Variants in RERE observed in about 807,000 individuals in gnomAD.
RERE encodes arginine-glutamic acid dipeptide repeats.
Under a neutral mutation model 146.1 loss-of-function variants are expected in RERE, and 40 were observed. That is an observed-to-expected ratio of 0.27 (90% CI 0.21 to 0.36). The LOEUF (loss-of-function observed/expected upper bound fraction) is 0.36, where lower values mean the gene tolerates loss of function less well. Among genes scored for constraint, RERE ranks in the 10% least tolerant of loss-of-function variants. The pLI, the probability that RERE is intolerant of heterozygous loss-of-function variation, is 1.00. For synonymous variants in RERE, 1,003 were observed against 866.0 expected (o/e 1.16, Z -2.78); for missense variants, 1,933 against 2,138.7 (o/e 0.90, Z 1.90).
At chr1:8,368,436 T>C (rs931329482) in intron 12 of RERE, among the ~76,000 whole-genome samples, 1 of 146,252 alleles carries the variant, frequency 6.8e-6, no homozygotes, top group Non-Finnish European at 1.5e-5. Flanking sequence ...ATCGTGCCAC[T>C]GCACTCCAGC....
chr1:8,401,152 G>A (rs1293645826), intron 12 of RERE, among the ~76,000 whole-genome samples: 1 of 145,574 alleles, frequency 6.9e-6, no homozygotes, highest in Non-Finnish European at 1.5e-5. Context: ...ATAAGTCATC[G>A]TTACAAAGAA....
At chr1:8,628,374 C>T (rs1482134386) in intron 2 of RERE, among the ~76,000 whole-genome samples, 1 of 152,008 alleles carries the variant, frequency 6.6e-6, no homozygotes, top group Non-Finnish European at 1.5e-5. Context: ...ATGTTTCACA[C>T]TATGTAAAAC....
intron 3 of RERE, among the ~76,000 whole-genome samples, chr1:8,621,426 C>T (rs1464686063): frequency 6.6e-6 from 1 of 152,148 alleles, no homozygotes; most frequent in African/African-American, 2.4e-5. Context: ...CTCCTCCCCA[C>T]GCCTCACCTC....
intron 12 of RERE, among the ~76,000 whole-genome samples, chr1:8,407,474 T>C (rs301793): frequency 0.79 from 119,999 of 152,232 alleles, 47,699 homozygotes; most frequent in East Asian, 0.95. Context: ...ATAATAAAAT[T>C]CCACTTTTTT....
Position 8,747,166 on chromosome 1 carries a change from T to G in RERE, c.-145+69994A>C, listed in dbSNP as rs1035984708. ...ACAGGGGCCCACCACCACACCCAGC[T>G]AATTTTTTGTATTTTTAGTAGAGAC... On this transcript the variant is annotated intron_variant, in intron 1 of 22. Coordinates refer to ENST00000400908, the MANE Select transcript of RERE (RefSeq NM_001042681.2). Among the ~76,000 whole-genome samples, 21 of 152,020 alleles carry G rather than the reference T, an allele frequency of 1.4e-4. 1 individual carries two copies. Among genetic ancestry groups the G allele is most frequent in the Non-Finnish European group, 2.9e-5 (2 of 68,012 alleles).
chr1:8,575,534 A>AATATATATATATATATATATAT (rs67724601), intron 4 of RERE, among the ~76,000 whole-genome samples: 2 of 114,072 alleles, frequency 1.8e-5, no homozygotes, highest in African/African-American at 6.9e-5. Context: ...TGGCTAATTT[A>AATATATATATATATATATATAT]ATATATATAT....
intron 10 of RERE, among the ~76,000 whole-genome samples, chr1:8,489,227 G>A (rs948043421): frequency 5.9e-5 from 9 of 151,960 alleles, no homozygotes; most frequent in Non-Finnish European, 1.0e-4. Flanking sequence ...TTAGACAGGT[G>A]TAGTAGCCTG....
chr1:8,799,377 C>A, intron 1 of RERE: 1 of 157,958 alleles, frequency 6.3e-6, no homozygotes, highest in Admixed American at 6.4e-5. Context: ...TTGGAGAAAA[C>A]TCTCATCAAC....
At chr1:8,766,173 C>T (rs1425232794) in intron 1 of RERE, among the ~76,000 whole-genome samples, 1 of 152,036 alleles carries the variant, frequency 6.6e-6, no homozygotes. Context: ...CAGTGAAGAA[C>T]AAAATTTCTA....
intron 7 of RERE, chr1:8,526,027 G>C (rs756367126): frequency 4.8e-6 from 6 of 1,259,152 alleles, no homozygotes; most frequent in South Asian, 5.4e-5. Flanking sequence ...GTCTCTCCAC[G>C]ACGCAATCAA....
chr1:8,703,472 G>A (rs914094086), intron 1 of RERE, among the ~76,000 whole-genome samples: 2 of 151,798 alleles, frequency 1.3e-5, no homozygotes, highest in Admixed American at 6.5e-5. Context: ...CCGGGCTGGA[G>A]CCCAGCCCGC....
At chr1:8,676,500 TGA>T (rs1479517166) in intron 1 of RERE, among the ~76,000 whole-genome samples, 2 of 151,106 alleles carry the variant, frequency 1.3e-5, no homozygotes, top group African/African-American at 2.4e-5. Context: ...CTGACAGCAA[TGA>T]GAGAGGTGTC....
intron 1 of RERE, among the ~76,000 whole-genome samples, chr1:8,804,636 G>A (rs1641649215): frequency 1.3e-5 from 2 of 152,182 alleles, no homozygotes; most frequent in Admixed American, 1.3e-4. Context: ...GAAGCGATAT[G>A]TACAATTTCT....
At chr1:8,615,555 T>G (rs1646843464) in intron 3 of RERE, among the ~76,000 whole-genome samples, 1 of 152,184 alleles carries the variant, frequency 6.6e-6, no homozygotes, top group African/African-American at 2.4e-5. Context: ...CATGTGGTTT[T>G]GAATGAACTA....
At chr1:8,427,562 A>T (rs1644031792) in intron 11 of RERE, among the ~76,000 whole-genome samples, 1 of 151,834 alleles carries the variant, frequency 6.6e-6, no homozygotes, top group African/African-American at 2.4e-5. Context: ...TCTGGTGGTG[A>T]ACACAGACCT....
intron 10 of RERE, among the ~76,000 whole-genome samples, chr1:8,481,707 A>G (rs1441062966): frequency 6.6e-6 from 1 of 152,214 alleles, no homozygotes; most frequent in Non-Finnish European, 1.5e-5. Flanking sequence ...ATAGTGATGA[A>G]CTTAAGGTCC....
At chr1:8,368,483 GAAAAA>G (rs70990563) in intron 12 of RERE, among the ~76,000 whole-genome samples, 4 of 76,342 alleles carry the variant, frequency 5.2e-5, no homozygotes, top group African/African-American at 2.7e-4. Context: ...CAAAGAAAAA[GAAAAA>G]AAAAAAAAAA....
chr1:8,693,927 T>G (rs1429068442), intron 1 of RERE, among the ~76,000 whole-genome samples: 1 of 151,988 alleles, frequency 6.6e-6, no homozygotes, highest in African/African-American at 2.4e-5. Flanking sequence ...TGTTTTAAAA[T>G]TTTTTAATGT....
chr1:8,604,113 C>T (rs1216722966), intron 4 of RERE, among the ~76,000 whole-genome samples: 1 of 152,060 alleles, frequency 6.6e-6, no homozygotes, highest in Non-Finnish European at 1.5e-5. Context: ...CTGGGTTTGA[C>T]TCTGGAACAA....
Sources: allele counts gnomAD v4.1 joint callset (sites outside exome capture counted in the v4.1 genomes callset), GRCh38; gene constraint gnomAD v4.1.1; transcripts MANE v1.5; gene names NCBI Gene and HGNC (gene_info 2026-07-23, HGNC 2026-07-21).